Variants in PDE6A observed in about 807,000 individuals in gnomAD.
The protein encoded by PDE6A is rod cGMP-specific 3',5'-cyclic phosphodiesterase subunit alpha.
In PDE6A, 84 loss-of-function variants were observed where a neutral mutation model predicts 106.3. The observed-to-expected ratio is 0.79, with a 90% confidence interval of 0.66 to 0.95. PDE6A has a LOEUF of 0.95. Among genes scored for constraint, PDE6A ranks in the 40% least tolerant of loss-of-function variants. The pLI is 0.00. For missense variants in PDE6A, 1,052 were observed against 1,084.9 expected (o/e 0.97, Z 0.43); for synonymous variants, 394 against 386.6 (o/e 1.02, Z -0.23).
Position 149,937,777 on chromosome 5 carries a change from G to C in PDE6A, c.475-3059C>G, listed in dbSNP as rs6890209. On this transcript the variant is annotated intron_variant, in intron 1 of 21. Coordinates refer to ENST00000255266, the MANE Select transcript of PDE6A (RefSeq NM_000440.3). ...AGTGCCAAGCTCTGTTGCATCTCAT[G>C]ATGAGATCTACTATTTACTGAGTAA... Among the ~76,000 whole-genome samples the C allele has an allele frequency of 3.9e-4, 60 of 152,272 alleles. 1 individual carries two copies. The highest frequency in any genetic ancestry group is 1.4e-3 in the African/African-American group (59 of 41,550).
At chr5:149,899,287 G>A in intron 9 of PDE6A, 88 bp downstream of exon 9, 1 of 1,350,186 alleles carries the variant, frequency 7.4e-7, no homozygotes, top group South Asian at 1.2e-5. Flanking sequence ...CCAGGTTGCT[G>A]CCCCATGTGA....
intron 1 of PDE6A, among the ~76,000 whole-genome samples, chr5:149,942,174 C>G (rs1009305889): frequency 1.3e-5 from 2 of 151,996 alleles, no homozygotes; most frequent in Non-Finnish European, 2.9e-5. Flanking sequence ...TGTTGCCCAG[C>G]CTGGTCTCAA....
chr5:149,911,023 G>A (rs1420735272), intron 6 of PDE6A, among the ~76,000 whole-genome samples: 1 of 151,806 alleles, frequency 6.6e-6, no homozygotes, highest in Non-Finnish European at 1.5e-5. Context: ...GGGACCACAG[G>A]TGTGCACCAC....
At chr5:149,874,555 C>CT (rs1044126767) in intron 17 of PDE6A, among the ~76,000 whole-genome samples, 3 of 152,062 alleles carry the variant, frequency 2.0e-5, no homozygotes, top group East Asian at 1.9e-4. Context: ...TTGTATGGAG[C>CT]TTTTTTTGTT....
intron 4 of PDE6A, among the ~76,000 whole-genome samples, chr5:149,923,690 A>G (rs1753798108): frequency 6.6e-6 from 1 of 152,166 alleles, no homozygotes; most frequent in South Asian, 2.1e-4. Flanking sequence ...ACTGAGAACC[A>G]CACAGGTTCT....
intron 4 of PDE6A, among the ~76,000 whole-genome samples, chr5:149,923,269 G>A (rs563514143): frequency 2.3e-4 from 35 of 152,142 alleles, no homozygotes; most frequent in Admixed American, 1.4e-3. Flanking sequence ...AGGCTGAGGC[G>A]GATGGATCAC....
intron 8 of PDE6A, among the ~76,000 whole-genome samples, chr5:149,903,044 C>T (rs1376969648): frequency 6.9e-6 from 1 of 144,424 alleles, no homozygotes; most frequent in Non-Finnish European, 1.5e-5. Context: ...AGCTAATTGG[C>T]AGGCTGAGGC....
At chr5:149,881,504 C>A (rs1385167773) in intron 17 of PDE6A, among the ~76,000 whole-genome samples, 1 of 152,130 alleles carries the variant, frequency 6.6e-6, no homozygotes, top group Non-Finnish European at 1.5e-5. Flanking sequence ...AATGGAAAAC[C>A]AAATACTGCA....
At chr5:149,932,801 T>C in intron 3 of PDE6A, 1 of 778,150 alleles carries the variant, frequency 1.3e-6, no homozygotes, top group Non-Finnish European at 2.1e-6. Flanking sequence ...ATGTGCTGGA[T>C]TGAGAGACAC....
chr5:149,899,909 A>G (rs1752904429), intron 8 of PDE6A, among the ~76,000 whole-genome samples: 1 of 152,138 alleles, frequency 6.6e-6, no homozygotes, highest in African/African-American at 2.4e-5. Context: ...TTAATAACCT[A>G]GATATAACCT....
chr5:149,929,057 T>C (rs1753949967), intron 4 of PDE6A, among the ~76,000 whole-genome samples: 2 of 152,192 alleles, frequency 1.3e-5, no homozygotes, highest in Non-Finnish European at 2.9e-5. Context: ...GGTACAATCA[T>C]TTTGAAAATC....
rs55911717 is a variant in PDE6A at position 149,884,188 on chromosome 5, G to GAA, written c.2027+289_2027+290dup. ...CAGAGTGAGATCCTGTCTCAAAAAA[G>GAA]AAAAAAAAAAAATATATATATATAT... is the stretch of plus-strand genomic sequence containing the variant. On this transcript the variant is annotated intron_variant, in intron 16 of 21. Coordinates refer to ENST00000255266, the MANE Select transcript of PDE6A (RefSeq NM_000440.3). 0.018 allele frequency among the ~76,000 whole-genome samples: 1,325 copies of GAA among 72,656 alleles called. 66 individuals are homozygous for GAA. In the South Asian group the frequency reaches 0.2, roughly 11 times the overall value. 47.7% of individuals were successfully genotyped at this position (72,656 alleles called of 152,430 possible).
Position 149,924,688 on chromosome 5 carries a change from C to T in PDE6A, c.859-2979G>A, listed in dbSNP as rs568469286. ...TCTGGACTGTGTGTATGTGTATGAA[C>T]ATTTGTTTATGTGAAGGACTTATAT... On this transcript the variant is annotated intron_variant, in intron 4 of 21. Coordinates refer to ENST00000255266, the MANE Select transcript of PDE6A (RefSeq NM_000440.3). Among the ~76,000 whole-genome samples, 15 of 152,214 alleles carry T rather than the reference C, an allele frequency of 9.9e-5. No individual in the cohort carries two copies. In the South Asian group the frequency reaches 1.7e-3, roughly 17 times the overall value.
intron 4 of PDE6A, among the ~76,000 whole-genome samples, chr5:149,924,607 T>G (rs775740880): frequency 6.6e-6 from 1 of 152,198 alleles, no homozygotes; most frequent in Non-Finnish European, 1.5e-5. Flanking sequence ...TTCCTACTTC[T>G]GTTCATGATG....
intron 19 of PDE6A, 154 bp downstream of exon 19, chr5:149,867,571 C>T: frequency 4.2e-6 from 3 of 721,944 alleles, no homozygotes; most frequent in Non-Finnish European, 7.4e-6. Context: ...ATGAGGTTGA[C>T]AGTGGCCTGG....
intron 9 of PDE6A, among the ~76,000 whole-genome samples, chr5:149,898,839 A>G (rs982652074): frequency 3.9e-5 from 6 of 152,194 alleles, no homozygotes; most frequent in African/African-American, 1.4e-4. Flanking sequence ...AAACTACTCT[A>G]AAAAGTAAAG....
intron 17 of PDE6A, among the ~76,000 whole-genome samples, chr5:149,877,971 C>T (rs1296150052): frequency 6.6e-6 from 1 of 152,098 alleles, no homozygotes; most frequent in African/African-American, 2.4e-5. Context: ...CTGAGTATAC[C>T]CAGGGATGAC....
chr5:149,893,383 C>T (rs1010259966), intron 13 of PDE6A, among the ~76,000 whole-genome samples: 4 of 152,174 alleles, frequency 2.6e-5, no homozygotes, highest in Admixed American at 2.0e-4. Context: ...AAACAGATGG[C>T]ATTCTAGACA....
intron 1 of PDE6A, among the ~76,000 whole-genome samples, chr5:149,941,753 T>G (rs967673828): frequency 3.3e-5 from 5 of 152,204 alleles, no homozygotes; most frequent in African/African-American, 1.2e-4. Context: ...AAAGACAGAC[T>G]GAGGAACAGT....
Sources: allele counts gnomAD v4.1 joint callset (sites outside exome capture counted in the v4.1 genomes callset), GRCh38; gene constraint gnomAD v4.1.1; transcripts MANE v1.5; gene names NCBI Gene and HGNC (gene_info 2026-07-23, HGNC 2026-07-21).